The following COL4A6 variants were observed in gnomAD, a reference collection of about 807,000 sequenced individuals.
COL4A6 encodes the protein collagen alpha-6(IV) chain.
A neutral mutation model predicts 126.7 loss-of-function variants in COL4A6; 59 were observed. The ratio of observed to expected loss-of-function variants is 0.47; its 90% CI spans 0.38 to 0.58. The LOEUF is 0.58. COL4A6 is among the 20% of genes least tolerant of loss of function. The pLI, the probability that COL4A6 is intolerant of heterozygous loss-of-function variation, is 0.00. For synonymous variants in COL4A6, 547 were observed against 496.6 expected (o/e 1.10, Z -1.35); for missense variants, 1,285 against 1,337.3 (o/e 0.96, Z 0.61).
intron 38 of COL4A6, 92 bp from the exon 39 acceptor site, chrX:108,165,130 T>G: frequency 1.1e-6 from 1 of 934,737 alleles, no homozygotes; most frequent in Non-Finnish European, 1.5e-6. Context: ...CCAAAGCCCA[T>G]TCCCAGGACA....
intron 12 of COL4A6, among the ~76,000 whole-genome samples, chrX:108,203,964 A>G (rs1409473059): frequency 1.4e-5 from 1 of 70,303 alleles, no homozygotes; most frequent in African/African-American, 4.1e-5. Context: ...TGGGGACACC[A>G]TAAGTATTGA....
In COL4A6 at chrX:108,437,982, A is replaced by C. The variant is rs1276623058; in HGVS notation, c.23T>G (p.Leu8Arg). 8.3e-7 allele frequency: 1 copy of C among 1,210,792 alleles called. No homozygotes were observed. The highest frequency in any genetic ancestry group is 1.1e-6 in the Non-Finnish European group (1 of 895,150). ...CTCGGTCAGGCACAACGTAACCAGG[A>C]GCAGCCACAACCTGAAATGGGAGGG... is the stretch of plus-strand genomic sequence containing the variant. MHPGLWLLLVTLCLTEEL... is the reference protein window; with the variant it reads MHPGLWLRLVTLCLTEEL... Residue 8 changes from leucine (L) to arginine (R), a missense_variant, in exon 2 of 45, where the codon CTC (leucine) becomes CGC (arginine). Transcript: ENST00000334504.
At chrX:108,343,171 T>TA (rs2039623886) in intron 2 of COL4A6, among the ~76,000 whole-genome samples, 3 of 89,832 alleles carry the variant, frequency 3.3e-5, no homozygotes, top group African/African-American at 8.4e-5. Flanking sequence ...ATATAGTGTG[T>TA]GTGTGTGTGT....
chrX:108,278,399 A>T (rs981663212), intron 3 of COL4A6, among the ~76,000 whole-genome samples: 1 of 112,119 alleles, frequency 8.9e-6, no homozygotes, highest in Non-Finnish European at 1.9e-5. Context: ...TCAGTGATGG[A>T]AGATGAAATG....
rs771087943 is a variant in COL4A6, at chrX:108,180,600, G to T, written c.2046C>A (p.Leu682=). 1 of 1,199,359 alleles carries T rather than the reference G, an allele frequency of 8.3e-7. No homozygotes were observed. The highest frequency in any genetic ancestry group is 1.1e-6 in the Non-Finnish European group (1 of 891,457). The stretch of plus-strand genomic sequence containing the variant: ...ACCCAGGCTGGCCTGGGGTCCCAGG[G>T]AGGCCTCGAGACCCTTTAGGGCCTG... ...GFPGPKGSRG[L]PGTPGQPGSS... is the part of the protein sequence containing the mutation. The change falls in exon 25 of 45, where the codon CTC becomes CTA. Residue 682 remains leucine, a synonymous_variant. Coordinates refer to ENST00000334504, the MANE Select transcript of COL4A6 (RefSeq NM_033641.4).
chrX:108,182,912 A>G (rs1384406930), intron 23 of COL4A6, among the ~76,000 whole-genome samples: 5 of 112,723 alleles, frequency 4.4e-5, no homozygotes, highest in Admixed American at 3.7e-4. Context: ...GATAAAAACA[A>G]AGCCTTTAGA....
intron 27 of COL4A6, 133 bp from the exon 28 acceptor site, chrX:108,177,144 C>T: frequency 1.1e-5 from 6 of 535,104 alleles, no homozygotes; most frequent in Non-Finnish European, 1.5e-5. Flanking sequence ...AACAATAGCA[C>T]ATGCAAACTG....
At chrX:108,195,030 CTTTTGATTGGGAT>C in intron 15 of COL4A6, 39 bp downstream of exon 15, 1 of 1,032,765 alleles carries the variant, frequency 9.7e-7, no homozygotes, top group African/African-American at 1.9e-5. Context: ...GCAAGGGGGA[CTTTTGATTGGGAT>C]TTTATACCCC....
chrX:108,283,290 A>T (rs1009200057), intron 3 of COL4A6, among the ~76,000 whole-genome samples: 2 of 111,904 alleles, frequency 1.8e-5, no homozygotes, highest in Non-Finnish European at 3.8e-5. Context: ...ATGATAACTA[A>T]AGGTCCTTTC....
intron 4 of COL4A6, 193 bp downstream of exon 4, chrX:108,221,047 G>A (rs771966824): frequency 2.3e-5 from 12 of 528,852 alleles, no homozygotes; most frequent in Non-Finnish European, 3.0e-5. Flanking sequence ...GCAGTGAGCC[G>A]AGATCACGCC....
intron 41 of COL4A6, among the ~76,000 whole-genome samples, chrX:108,162,356 T>TA (rs768149643): frequency 0.012 from 710 of 59,339 alleles, 9 homozygotes; most frequent in African/African-American, 0.042. Context: ...ATCTCAAAAA[T>TA]AAAAAAAAAT....
At chrX:108,382,849 G>A (rs2148138884) in intron 2 of COL4A6, among the ~76,000 whole-genome samples, 1 of 107,957 alleles carries the variant, frequency 9.3e-6, no homozygotes, top group African/African-American at 3.4e-5. Context: ...TCGGGAGGCT[G>A]AGGCAGGAGA....
intron 2 of COL4A6, among the ~76,000 whole-genome samples, chrX:108,363,452 GT>G (rs761283316): frequency 1.8e-5 from 2 of 111,905 alleles, no homozygotes; most frequent in East Asian, 5.6e-4. Flanking sequence ...AGGAAAGCAG[GT>G]TATAAAAATA....
chrX:108,379,050 T>C (rs2040505846), intron 2 of COL4A6, among the ~76,000 whole-genome samples: 1 of 112,295 alleles, frequency 8.9e-6, no homozygotes, highest in Non-Finnish European at 1.9e-5. Context: ...ATTTCCTCCA[T>C]GGACCCACAT....
intron 2 of COL4A6, among the ~76,000 whole-genome samples, chrX:108,370,856 G>T (rs1042944220): frequency 9.0e-6 from 1 of 111,095 alleles, no homozygotes; most frequent in African/African-American, 3.3e-5. Context: ...ATAATCACCT[G>T]CAGACACATA....
chrX:108,174,367 G>C, intron 31 of COL4A6, 73 bp downstream of exon 31: 1 of 1,033,454 alleles, frequency 9.7e-7, no homozygotes, highest in Non-Finnish European at 1.4e-6. Context: ...TCAGAGAGGT[G>C]GGCAGTGGGG....
chrX:108,406,286 T>C (rs1027949819), intron 2 of COL4A6, among the ~76,000 whole-genome samples: 1 of 111,930 alleles, frequency 8.9e-6, no homozygotes, highest in African/African-American at 3.2e-5. Context: ...ATCTGTTTTT[T>C]CCACTCCATT....
chrX:108,342,639 A>C (rs1042852307), intron 2 of COL4A6, among the ~76,000 whole-genome samples: 2 of 111,768 alleles, frequency 1.8e-5, no homozygotes, highest in Admixed American at 9.5e-5. Context: ...CTTGCTGCAC[A>C]AGGTATGTCT....
intron 35 of COL4A6, 97 bp downstream of exon 35, chrX:108,170,512 T>C: frequency 1.4e-6 from 1 of 703,180 alleles, no homozygotes; most frequent in Non-Finnish European, 2.2e-6. Flanking sequence ...CCTGTAGGCA[T>C]GGCTTAACCC....
Sources: allele counts gnomAD v4.1 joint callset (sites outside exome capture counted in the v4.1 genomes callset), GRCh38; gene constraint gnomAD v4.1.1; transcripts MANE v1.5; gene names NCBI Gene and HGNC (gene_info 2026-07-23, HGNC 2026-07-21).